Variants in DOCK9 observed in about 807,000 individuals in gnomAD.
The protein encoded by DOCK9 is dedicator of cytokinesis 9.
In DOCK9, 89 loss-of-function variants were observed where a neutral mutation model predicts 263.3. That is an observed-to-expected ratio of 0.34 (90% confidence interval 0.28 to 0.40). The LOEUF (loss-of-function observed/expected upper bound fraction) is 0.40, where lower values mean the gene tolerates loss of function less well. Ranked by LOEUF, DOCK9 falls within the 10% of genes least tolerant of loss-of-function variation. The pLI, the probability that DOCK9 is intolerant of heterozygous loss-of-function variation, is 1.00. For synonymous variants in DOCK9, 976 were observed against 973.1 expected (o/e 1.00, Z -0.06); for missense variants, 2,140 against 2,603.4 (o/e 0.82, Z 3.87).
rs187853215 is a variant in DOCK9, at chr13:99,019,049, A to G, written c.130-63498T>C. Among the ~76,000 whole-genome samples, 14 of 152,298 alleles carry G rather than the reference A, an allele frequency of 9.2e-5. No homozygotes were observed. In the East Asian group the frequency reaches 2.1e-3, roughly 23 times the overall value. On this transcript the variant is annotated intron_variant, in intron 1 of 32. Transcript: ENST00000427887. ...CATCCACACAATGGAGTATCATTCA[A>G]TCACAGGCAGGAACAAAGTACTGAT...
Position 98,829,664 on chromosome 13 carries a change from G to A in DOCK9, c.4728C>T (p.Ala1576=), listed in dbSNP as rs2092683636. ...CCACCTTAATAAGCCGGTCACTGTTGGCACAGTTGTTGATGATGGACAGGG... is the reference window on the plus strand; with the variant it reads ...CCACCTTAATAAGCCGGTCACTGTTAGCACAGTTGTTGATGATGGACAGGG... ...QQSLSIINNC[A]NSDRLIKHTS... Residue 1576 remains alanine (A), a synonymous_variant, in exon 42 of 53, where the codon GCC becomes GCT. Transcript: ENST00000682017. This position sits in a 1 kb window ranked among gnomAD's most constrained non-coding sequence, Gnocchi z 4.1. 2.5e-6 allele frequency: 4 copies of A among 1,607,318 alleles called. No individual in the cohort carries two copies. The South Asian group carries it at 3.4e-5, about 14-fold the overall frequency.
At chr13:98,807,090 G>A (rs1333199118) in intron 48 of DOCK9, among the ~76,000 whole-genome samples, 2 of 152,148 alleles carry the variant, frequency 1.3e-5, no homozygotes, top group African/African-American at 2.4e-5. Context: ...TGACCTCCTG[G>A]AGATGTCCTG....
chr13:98,997,474 A>G (rs1188131616), intron 1 of DOCK9, among the ~76,000 whole-genome samples: 1 of 152,258 alleles, frequency 6.6e-6, no homozygotes, highest in East Asian at 1.9e-4. Flanking sequence ...TCTCAAGGGC[A>G]TGACAGTAAG....
intron 1 of DOCK9, among the ~76,000 whole-genome samples, chr13:98,985,032 A>G (rs1878113265): frequency 7.2e-6 from 1 of 138,922 alleles, no homozygotes; most frequent in South Asian, 2.5e-4. Flanking sequence ...AGAACATAAC[A>G]GAACTATAAC....
chr13:98,912,052 T>A (rs1177388829), intron 9 of DOCK9, among the ~76,000 whole-genome samples: 2 of 151,308 alleles, frequency 1.3e-5, no homozygotes, highest in African/African-American at 4.9e-5. Flanking sequence ...GTATTTCTAG[T>A]AGAGACAGGG....
chr13:99,018,145 A>C (rs1885652622), intron 1 of DOCK9, among the ~76,000 whole-genome samples: 1 of 152,252 alleles, frequency 6.6e-6, no homozygotes, highest in African/African-American at 2.4e-5. Context: ...AAAATGTTAC[A>C]GTTTGAATGT....
intron 45 of DOCK9, among the ~76,000 whole-genome samples, chr13:98,818,201 T>G (rs2092028242): frequency 1.3e-5 from 2 of 152,224 alleles, no homozygotes; most frequent in African/African-American, 4.8e-5. Context: ...TTCAAGTTAA[T>G]GCCAACTCTA....
At chr13:98,952,835 T>C (rs185762708) in intron 2 of DOCK9, among the ~76,000 whole-genome samples, 7 of 152,358 alleles carry the variant, frequency 4.6e-5, no homozygotes, top group African/African-American at 9.6e-5. Context: ...ATTATTTTAA[T>C]AGTTAACTTA....
At chr13:98,961,144 A>G (rs930259073) in intron 1 of DOCK9, among the ~76,000 whole-genome samples, 1 of 152,182 alleles carries the variant, frequency 6.6e-6, no homozygotes, top group Admixed American at 6.5e-5. Context: ...ATTGCCCTCC[A>G]TGGGCTGTTA....
At chr13:98,815,685 G>A (rs1172688160) in intron 45 of DOCK9, among the ~76,000 whole-genome samples, 1 of 152,136 alleles carries the variant, frequency 6.6e-6, no homozygotes. Flanking sequence ...GTTTCACCAT[G>A]TTAGCCAGGA....
At chr13:98,974,163 AG>A (rs935087705) in intron 1 of DOCK9, among the ~76,000 whole-genome samples, 2 of 150,582 alleles carry the variant, frequency 1.3e-5, no homozygotes, top group African/African-American at 4.9e-5. Context: ...AGAGTTTTGA[AG>A]GGGGGTGGCG....
rs1310572694 is a variant in DOCK9 at position 98,882,015 on chromosome 13, C to T, written c.2560-8G>A. On this transcript the variant is annotated splice_polypyrimidine_tract_variant and splice_region_variant and intron_variant, in intron 23 of 52. Transcript: ENST00000682017. ...TTCCATCGCATGCAGACTCTACGGA[C>T]ACAGAATGGCACAGTTCATGTTATC... 6.4e-7 allele frequency: 1 copy of T among 1,561,240 alleles called. No homozygotes were observed. Among genetic ancestry groups the T allele is most frequent in the South Asian group, 1.2e-5 (1 of 84,946 alleles).
intron 1 of DOCK9, among the ~76,000 whole-genome samples, chr13:99,068,153 T>C (rs2041508238): frequency 6.6e-6 from 1 of 152,208 alleles, no homozygotes; most frequent in Non-Finnish European, 1.5e-5. Flanking sequence ...GGTGATCCCT[T>C]TTCTCTCATG....
At chr13:98,929,243 G>A (rs1374965728) in intron 3 of DOCK9, among the ~76,000 whole-genome samples, 1 of 152,072 alleles carries the variant, frequency 6.6e-6, no homozygotes, top group East Asian at 1.9e-4. Flanking sequence ...AACCTAAATT[G>A]TAATAATTTC....
intron 1 of DOCK9, among the ~76,000 whole-genome samples, chr13:99,017,420 A>G (rs537242958): frequency 1.3e-5 from 2 of 152,364 alleles, no homozygotes; most frequent in East Asian, 1.9e-4. Flanking sequence ...TTCAACAGAA[A>G]TAAAGAGAGT....
chr13:98,815,428 T>G (rs1485074133), intron 45 of DOCK9, among the ~76,000 whole-genome samples: 1 of 152,198 alleles, frequency 6.6e-6, no homozygotes, highest in African/African-American at 2.4e-5. Flanking sequence ...GTACCTTCGG[T>G]TCTCATTTTT....
At chr13:98,905,084 CACAG>C (rs1438706011) in intron 9 of DOCK9, among the ~76,000 whole-genome samples, 1 of 152,122 alleles carries the variant, frequency 6.6e-6, no homozygotes, top group African/African-American at 2.4e-5. Context: ...GAAAAGGATG[CACAG>C]ACAGACACTG....
intron 18 of DOCK9, 40 bp downstream of exon 18, chr13:98,888,118 T>A: frequency 7.0e-7 from 1 of 1,425,408 alleles, no homozygotes; most frequent in African/African-American, 1.4e-5. Context: ...AATGGAAAAA[T>A]CAGAATTCGT....
intron 1 of DOCK9, among the ~76,000 whole-genome samples, chr13:98,997,672 CTG>C (rs1881363552): frequency 6.6e-6 from 1 of 152,248 alleles, no homozygotes; most frequent in African/African-American, 2.4e-5. Context: ...GCAGCCTTCA[CTG>C]TTCTTTGTGG....
Sources: allele counts gnomAD v4.1 joint callset (sites outside exome capture counted in the v4.1 genomes callset), GRCh38; gene constraint gnomAD v4.1.1; non-coding constraint Gnocchi (gnomAD v3.1); transcripts MANE v1.5; gene names NCBI Gene and HGNC (gene_info 2026-07-23, HGNC 2026-07-21).